DSC2: variants seen among roughly 807,000 people sequenced by gnomAD.
DSC2 encodes the protein desmocollin 2.
In DSC2, 51 loss-of-function variants were observed where a neutral mutation model predicts 87.6. The observed-to-expected ratio is 0.58, with a 90% confidence interval of 0.46 to 0.74. The LOEUF is 0.74. Ranked by LOEUF, DSC2 falls within the 30% of genes least tolerant of loss-of-function variation. The pLI, the probability that DSC2 is intolerant of heterozygous loss-of-function variation, is 0.00. For missense variants in DSC2, 1,066 were observed against 1,089.5 expected (o/e 0.98, Z 0.30); for synonymous variants, 383 against 393.2 (o/e 0.97, Z 0.31).
rs1305028127 is a variant in DSC2, at chr18:31,064,392, G to A, written c.*3623C>T. 6.6e-6 allele frequency: 1 copy of A among 152,126 alleles called. No individual in the cohort carries two copies. Among genetic ancestry groups the A allele is most frequent in the Admixed American group, 6.6e-5 (1 of 15,262 alleles). 9.4% of individuals were successfully genotyped at this position (152,126 alleles called of 1,614,324 possible). ...TTAAAAGGCTACATATGACTGCACT[G>A]GGAAGGCATCAAATGACTACAGTAC... On this transcript the variant is annotated 3_prime_UTR_variant, in exon 16 of 16. Coordinates refer to ENST00000280904, the MANE Select transcript of DSC2 (RefSeq NM_024422.6).
rs1986529591 is a variant in DSC2, at chr18:31,062,968, T to A, written c.*5047A>T. On this transcript the variant is annotated 3_prime_UTR_variant, in exon 16 of 16. Transcript: ENST00000280904. ...TATGCCACAGAAAATTAGTATGTGC[T>A]GAGAATAAAAAACCTAACTTTTATT... 1 of 152,228 alleles carries A rather than the reference T, an allele frequency of 6.6e-6. No homozygotes were observed. Among genetic ancestry groups the A allele is most frequent in the South Asian group, 2.1e-4 (1 of 4,836 alleles). 9.4% of individuals were successfully genotyped at this position (152,228 alleles called of 1,614,324 possible).
In DSC2 at chr18:31,067,806, A is replaced by T. The variant is rs952949290; in HGVS notation, c.*209T>A. ...CTGTAGACCTCCTTGGATAGAAGAT[A>T]AGTAATTTAAAAATATGTAAAAATT... is the stretch of plus-strand genomic sequence containing the variant. On this transcript the variant is annotated 3_prime_UTR_variant, in exon 16 of 16. Coordinates refer to ENST00000280904, the MANE Select transcript of DSC2 (RefSeq NM_024422.6). The T allele has an allele frequency of 2.0e-4, 111 of 556,598 alleles. No homozygotes were observed. The highest frequency in any genetic ancestry group is 1.9e-3 in the African/African-American group (101 of 53,176). The allele number at this position is 556,598 out of a possible 1,614,324, so 34.5% of individuals were successfully genotyped here. A position where few individuals can be genotyped will look rare whatever the true frequency, so the allele number is the denominator to read the frequency against.
At chr18:31,101,765 ACTCCATTTTCTAGC>A in intron 1 of DSC2, 124 bp downstream of exon 1, 1 of 646,424 alleles carries the variant, frequency 1.5e-6, no homozygotes, top group Non-Finnish European at 2.3e-6. Context: ...ACCCCCGCCA[ACTCCATTTTCTAGC>A]CACCCAGAGG....
intron 1 of DSC2, among the ~76,000 whole-genome samples, chr18:31,100,096 C>A (rs556008868): frequency 6.6e-6 from 1 of 152,312 alleles, no homozygotes; most frequent in Admixed American, 6.5e-5. Flanking sequence ...ACACTTGAGA[C>A]TCACAACCAC....
At position 31,069,126 on chromosome 18, in the gene DSC2, T is replaced by G. The variant is rs765539764; in HGVS notation, c.2276A>C (p.Gln759Pro). ...KVYSANGFTT[Q>P]TVGASAQGVC... ...TCCCTGAGCAGAAGCGCCCACAGTT[T>G]GGGTTGTGAAGCCATTCGCAGAATA... The change falls in exon 15 of 16, where the codon CAA becomes CCA. Residue 759 changes from glutamine (Q) to proline (P), a missense_variant. Physicochemically the swap from Gln to Pro is moderately conservative, Grantham distance 76 (BLOSUM62 -1). Coordinates refer to ENST00000280904, the MANE Select transcript of DSC2 (RefSeq NM_024422.6). The G allele has an allele frequency of 3.7e-6, 6 of 1,614,022 alleles. No individual in the cohort carries two copies. In the African/African-American group the frequency reaches 6.7e-5, roughly 18 times the overall value.
At chr18:31,091,279 C>G in intron 3 of DSC2, 132 bp from the exon 4 acceptor site, 1 of 1,002,808 alleles carries the variant, frequency 1.0e-6, no homozygotes, top group Non-Finnish European at 1.5e-6. Flanking sequence ...TGCTTGAAAA[C>G]CAAACTAATC....
intron 8 of DSC2, 133 bp downstream of exon 8, chr18:31,082,793 G>A (rs1987268116): frequency 1.0e-6 from 1 of 982,210 alleles, no homozygotes; most frequent in Non-Finnish European, 1.6e-6. Flanking sequence ...CCTGACCTCA[G>A]GTGATCCGCC....
At chr18:31,068,287 G>C (rs1363015869) in intron 15 of DSC2, 75 bp from the exon 16 acceptor site, 1 of 1,612,690 alleles carries the variant, frequency 6.2e-7, no homozygotes, top group Non-Finnish European at 8.5e-7. Flanking sequence ...AAAAGTAATT[G>C]CTTTGATTTA....
At chr18:31,074,179 T>C (rs1173779157) in intron 12 of DSC2, among the ~76,000 whole-genome samples, 1 of 152,130 alleles carries the variant, frequency 6.6e-6, no homozygotes, top group Non-Finnish European at 1.5e-5. Context: ...TGACTTCTCT[T>C]TTTGCCCAAT....
At chr18:31,086,815 C>T in intron 6 of DSC2, 73 bp from the exon 7 acceptor site, 1 of 1,529,678 alleles carries the variant, frequency 6.5e-7, no homozygotes, top group South Asian at 1.2e-5. Context: ...CATTCCTTTT[C>T]ACCCACCTCA....
chr18:31,065,828 T>C lies in DSC2; in HGVS notation c.*2187A>G, dbSNP rs944711489. 1.3e-5 allele frequency: 2 copies of C among 152,186 alleles called. No homozygotes were observed. Among genetic ancestry groups the C allele is most frequent in the African/African-American group, 4.8e-5 (2 of 41,460 alleles). 9.4% of individuals were successfully genotyped at this position (152,186 alleles called of 1,614,324 possible). A position where few individuals can be genotyped will look rare whatever the true frequency, so the allele number is the denominator to read the frequency against. On this transcript the variant is annotated 3_prime_UTR_variant, in exon 16 of 16. Coordinates refer to ENST00000280904, the MANE Select transcript of DSC2 (RefSeq NM_024422.6). ...ACGAATGCCTCAGCAATCTTTGCACTACGTATTCTGAAAAACTGAACATAC... is the reference window on the plus strand; with the variant it reads ...ACGAATGCCTCAGCAATCTTTGCACCACGTATTCTGAAAAACTGAACATAC...
At chr18:31,098,076 C>A (rs1407385719) in intron 1 of DSC2, among the ~76,000 whole-genome samples, 1 of 152,000 alleles carries the variant, frequency 6.6e-6, no homozygotes, top group Admixed American at 6.6e-5. Context: ...TATCAATCAC[C>A]TTTTGACTTT....
chr18:31,082,135 C>T, intron 9 of DSC2, 103 bp downstream of exon 9: 4 of 1,056,630 alleles, frequency 3.8e-6, no homozygotes, highest in East Asian at 2.5e-5. Context: ...ACTTATATAC[C>T]TATTTTATTC....
At position 31,089,514 on chromosome 18, in the gene DSC2, T is replaced by C. The variant is rs768367488; in HGVS notation, c.555A>G (p.Leu185=). The C allele has an allele frequency of 6.2e-7, 1 of 1,614,008 alleles. No homozygotes were observed. Among genetic ancestry groups the C allele is most frequent in the Non-Finnish European group, 8.5e-7 (1 of 1,179,966 alleles). The change falls in exon 5 of 16, where the codon TTA becomes TTG. Residue 185 remains leucine (L), a synonymous_variant. Transcript: ENST00000280904. ...GPGVDQEPRN[L]FYVERDTGNL... ...TTCCAGTGTCTCTCTCCACATAAAATAAATTCCGAGGTTCTTGGTCAACTC... is the reference window on the plus strand; with the variant it reads ...TTCCAGTGTCTCTCTCCACATAAAACAAATTCCGAGGTTCTTGGTCAACTC...
At chr18:31,069,235 CT>C (rs896218370) in intron 14 of DSC2, 84 bp from the exon 15 acceptor site, 10 of 1,555,898 alleles carry the variant, frequency 6.4e-6, no homozygotes, top group Non-Finnish European at 7.9e-6. Context: ...CGGATAATGC[CT>C]TTTTTTGTGT....
At chr18:31,071,139 G>A (rs1343478490) in intron 13 of DSC2, among the ~76,000 whole-genome samples, 6 of 151,604 alleles carry the variant, frequency 4.0e-5, no homozygotes, top group Non-Finnish European at 5.9e-5. Flanking sequence ...TAAGACACTA[G>A]AACTATACAT....
rs886376596 is a variant in DSC2 at position 31,066,606 on chromosome 18, G to A, written c.*1409C>T. ...AAAATATTAGAAACACATTTAAAAT[G>A]TCCATATGTTTAGTATAAATAGAAA... On this transcript the variant is annotated 3_prime_UTR_variant, in exon 16 of 16. Coordinates refer to ENST00000280904, the MANE Select transcript of DSC2 (RefSeq NM_024422.6). 3 of 151,916 alleles carry A rather than the reference G, an allele frequency of 2.0e-5. No individual in the cohort carries two copies. The highest frequency in any genetic ancestry group is 2.0e-4 in the Admixed American group (3 of 15,238). The allele number at this position is 151,916 out of a possible 1,614,324, so 9.4% of individuals were successfully genotyped here.
Position 31,102,096 on chromosome 18 carries a change from G to T in DSC2, c.-125C>A. Reference sequence around the variant, plus strand: ...TCAGGAGGAGCGCGAGGCGGAGGAGGTGGGGCGCGCGGAGAGGTGCTTTTC... The same window carrying T: ...TCAGGAGGAGCGCGAGGCGGAGGAGTTGGGGCGCGCGGAGAGGTGCTTTTC... On this transcript the variant is annotated 5_prime_UTR_variant, in exon 1 of 16. Transcript: ENST00000280904. 1 of 798,932 alleles carries T rather than the reference G, an allele frequency of 1.3e-6. No individual in the cohort carries two copies. Among genetic ancestry groups the T allele is most frequent in the Non-Finnish European group, 1.8e-6 (1 of 557,134 alleles). The allele number at this position is 798,932 out of a possible 1,614,324, so 49.5% of individuals were successfully genotyped here. A position where few individuals can be genotyped will look rare whatever the true frequency, so the allele number is the denominator to read the frequency against.
At chr18:31,078,492 A>C (rs1031675603) in intron 11 of DSC2, among the ~76,000 whole-genome samples, 5 of 152,188 alleles carry the variant, frequency 3.3e-5, no homozygotes, top group African/African-American at 1.2e-4. Context: ...CAAAATTTCT[A>C]ATTTCAGACA....
Sources: gnomAD v4.1 joint callset for allele counts (sites outside exome capture counted in the v4.1 genomes callset) on GRCh38, gnomAD v4.1.1 for gene constraint, MANE v1.5 for transcripts, NCBI Gene and HGNC (gene_info 2026-07-23, HGNC 2026-07-21) for gene names.